The following LRRC31 variants were observed in gnomAD, a reference collection of about 807,000 sequenced individuals.
LRRC31 encodes the protein leucine rich repeat containing 31, also known as leucine-rich repeat-containing protein 31.
A neutral mutation model predicts 46.7 loss-of-function variants in LRRC31; 35 were observed. The ratio of observed to expected loss-of-function variants is 0.75; its 90% CI spans 0.57 to 0.99. LRRC31 has a LOEUF of 0.99. Among genes scored for constraint, LRRC31 ranks in the 50% least tolerant of loss-of-function variants. The pLI, the probability that LRRC31 is intolerant of heterozygous loss-of-function variation, is 0.00. For synonymous variants in LRRC31, 236 were observed against 235.1 expected (o/e 1.00, Z -0.03); for missense variants, 613 against 626.1 (o/e 0.98, Z 0.22).
intron 8 of LRRC31, among the ~76,000 whole-genome samples, chr3:169,842,162 T>C (rs932429896): frequency 6.6e-6 from 1 of 152,130 alleles, no homozygotes; most frequent in Non-Finnish European, 1.5e-5. Flanking sequence ...TTTTAAAAAA[T>C]CTAGGTAGGG....
chr3:169,846,525 C>G (rs757482354), intron 8 of LRRC31, among the ~76,000 whole-genome samples: 4 of 152,116 alleles, frequency 2.6e-5, no homozygotes, highest in Non-Finnish European at 5.9e-5. Flanking sequence ...TGGCATGCCT[C>G]TAATCCCAGC....
intron 6 of LRRC31, among the ~76,000 whole-genome samples, chr3:169,853,989 GAGAGCATGGGCAAAGGGCCCAAGGCC>G (rs1422764517): frequency 2.6e-5 from 4 of 152,268 alleles, no homozygotes; most frequent in Non-Finnish European, 5.9e-5. Flanking sequence ...CCTGGGGAGA[GAGAGCATGGGCAAAGGGCCCAAGGCC>G]AGAGCATGCC....
chr3:169,859,701 T>C (rs1304191539), intron 3 of LRRC31, among the ~76,000 whole-genome samples: 1 of 152,212 alleles, frequency 6.6e-6, no homozygotes, highest in Admixed American at 6.5e-5. Flanking sequence ...TTGTTTTGTT[T>C]AATGTTTCAA....
At chr3:169,863,810 A>G (rs1170618967) in intron 1 of LRRC31, among the ~76,000 whole-genome samples, 1 of 152,154 alleles carries the variant, frequency 6.6e-6, no homozygotes, top group Admixed American at 6.5e-5. Context: ...TGGCAACCCT[A>G]ATTTTGGGTG....
intron 5 of LRRC31, 45 bp from the exon 6 acceptor site, chr3:169,855,025 G>A (rs750957211): frequency 7.7e-6 from 12 of 1,549,680 alleles, no homozygotes; most frequent in Middle Eastern, 1.8e-4. Flanking sequence ...GGACACAGTG[G>A]TGTACCTATA....
chr3:169,844,209 G>A (rs1319396475), intron 8 of LRRC31, among the ~76,000 whole-genome samples: 1 of 152,022 alleles, frequency 6.6e-6, no homozygotes, highest in Non-Finnish European at 1.5e-5. Context: ...ATCCTCAACA[G>A]AATATTAGCA....
chr3:169,844,681 C>A (rs1266583786), intron 8 of LRRC31, among the ~76,000 whole-genome samples: 4 of 152,120 alleles, frequency 2.6e-5, no homozygotes, highest in African/African-American at 7.2e-5. Context: ...CGCCTGTAAT[C>A]CCAGCACTTT....
intron 7 of LRRC31, among the ~76,000 whole-genome samples, chr3:169,850,415 T>C (rs1009907950): frequency 6.6e-6 from 1 of 152,134 alleles, no homozygotes; most frequent in Non-Finnish European, 1.5e-5. Context: ...TGGGGAAAAG[T>C]CCCAGGATAC....
At chr3:169,852,777 C>T (rs564259587) in intron 6 of LRRC31, among the ~76,000 whole-genome samples, 1 of 152,302 alleles carries the variant, frequency 6.6e-6, no homozygotes, top group African/African-American at 2.4e-5. Context: ...CCAGGGTCAC[C>T]CACACCAAAG....
intron 3 of LRRC31, among the ~76,000 whole-genome samples, chr3:169,860,099 G>A (rs2108222196): frequency 6.6e-6 from 1 of 151,608 alleles, no homozygotes; most frequent in Admixed American, 6.6e-5. Context: ...AGCCGAGACT[G>A]CACCACTGCA....
Position 169,848,141 on chromosome 3 carries a change from T to C in LRRC31, c.1306A>G (p.Thr436Ala). Reference sequence around the variant, plus strand: ...ACACCCAGGAGAGCCACATCCTCTGTCACCAGGGAACAGCTGCTCAGCCTC... The same window carrying C: ...ACACCCAGGAGAGCCACATCCTCTGCCACCAGGGAACAGCTGCTCAGCCTC... ...VLRLSSCSLV[T>A]EDVALLASVI... Residue 436 changes from threonine to alanine, a missense_variant, in exon 8 of 9, where the codon ACA becomes GCA. Coordinates refer to ENST00000316428, the MANE Select transcript of LRRC31 (RefSeq NM_024727.4). 6.2e-7 allele frequency: 1 copy of C among 1,613,850 alleles called. No homozygotes were observed. Among genetic ancestry groups the C allele is most frequent in the Non-Finnish European group, 8.5e-7 (1 of 1,179,786 alleles).
intron 8 of LRRC31, among the ~76,000 whole-genome samples, chr3:169,840,568 C>G (rs1369434644): frequency 1.3e-5 from 2 of 152,150 alleles, no homozygotes; most frequent in African/African-American, 4.8e-5. Context: ...TTCCTGCTCT[C>G]TGTTCCACTG....
chr3:169,864,011 T>C (rs1781252387), intron 1 of LRRC31, among the ~76,000 whole-genome samples: 1 of 151,372 alleles, frequency 6.6e-6, no homozygotes, highest in South Asian at 2.1e-4. Context: ...AGTGTGTGTG[T>C]GTGTGTGTGT....
chr3:169,840,707 C>T (rs530785518), intron 8 of LRRC31, among the ~76,000 whole-genome samples: 1 of 152,182 alleles, frequency 6.6e-6, no homozygotes. Flanking sequence ...TCATTCAGTA[C>T]TTCTTCATCC....
chr3:169,850,642 A>G (rs1481689712), intron 7 of LRRC31, among the ~76,000 whole-genome samples: 3 of 152,228 alleles, frequency 2.0e-5, no homozygotes, highest in Admixed American at 1.3e-4. Flanking sequence ...TGTACTTAAC[A>G]TCTCTGTGCT....
chr3:169,866,038 C>T (rs1200727576), intron 1 of LRRC31, among the ~76,000 whole-genome samples: 4 of 152,110 alleles, frequency 2.6e-5, no homozygotes, highest in Non-Finnish European at 5.9e-5. Flanking sequence ...GAAGAGATAT[C>T]CAATATCCAA....
intron 7 of LRRC31, among the ~76,000 whole-genome samples, chr3:169,851,221 T>C (rs908308891): frequency 6.6e-6 from 1 of 152,106 alleles, no homozygotes; most frequent in Non-Finnish European, 1.5e-5. Context: ...GAGACCAGGC[T>C]GGACAACACG....
At chr3:169,853,540 G>A in intron 6 of LRRC31, 1 of 985,798 alleles carries the variant, frequency 1.0e-6, no homozygotes, top group East Asian at 1.1e-4. Flanking sequence ...TTATTTAGTT[G>A]TACCAAGGGA....
intron 1 of LRRC31, among the ~76,000 whole-genome samples, chr3:169,863,671 A>G (rs1257992294): frequency 4.6e-5 from 7 of 152,224 alleles, no homozygotes; most frequent in Non-Finnish European, 1.0e-4. Context: ...CATTGGACAC[A>G]AGGCATTTAA....
Sources: allele counts gnomAD v4.1 joint callset (sites outside exome capture counted in the v4.1 genomes callset), GRCh38; gene constraint gnomAD v4.1.1; transcripts MANE v1.5; gene names NCBI Gene and HGNC (gene_info 2026-07-23, HGNC 2026-07-21).